Variants in LYPD6 observed in about 807,000 individuals in gnomAD.
LYPD6 encodes the protein ly6/PLAUR domain-containing protein 6.
In LYPD6, 15 loss-of-function variants were observed where a neutral mutation model predicts 22.7. The ratio of observed to expected loss-of-function variants is 0.66; its 90% confidence interval spans 0.44 to 1.02. LYPD6 has a LOEUF of 1.02. LYPD6 is among the 50% of genes least tolerant of loss of function. The probability of loss-of-function intolerance (pLI) is 0.00; values close to 1 mark genes in which losing one functional copy is unlikely to be tolerated. For synonymous variants in LYPD6, 72 were observed against 77.5 expected, an observed-to-expected ratio of 0.93 and a Z score of 0.37; for missense variants, 189 against 208.4, an observed-to-expected ratio of 0.91 and a Z score of 0.57.
chr2:149,434,082 A>G (rs148491948), intron 1 of LYPD6, among the ~76,000 whole-genome samples: 34 of 152,294 alleles, frequency 2.2e-4, no homozygotes, highest in African/African-American at 7.5e-4. Context: ...CCCGTCATCT[A>G]TGTTAGGCAC....
At chr2:149,407,407 T>C (rs1682741915) in intron 1 of LYPD6, among the ~76,000 whole-genome samples, 1 of 152,220 alleles carries the variant, frequency 6.6e-6, no homozygotes, top group South Asian at 2.1e-4. Flanking sequence ...CATAGTCGCA[T>C]ATTTCTTGGA....
intron 3 of LYPD6, among the ~76,000 whole-genome samples, chr2:149,453,853 A>T (rs921204753): frequency 6.6e-6 from 1 of 151,882 alleles, no homozygotes; most frequent in Non-Finnish European, 1.5e-5. Context: ...TAGCCCTCCA[A>T]TTTTTTTTCA....
At chr2:149,359,074 A>T (rs1379605229) in intron 1 of LYPD6, among the ~76,000 whole-genome samples, 3 of 148,768 alleles carry the variant, frequency 2.0e-5, no homozygotes, top group African/African-American at 7.3e-5. Flanking sequence ...ATCAAATTTT[A>T]AAAAAACTCA....
At chr2:149,397,845 A>T (rs1480434232) in intron 1 of LYPD6, among the ~76,000 whole-genome samples, 1 of 152,210 alleles carries the variant, frequency 6.6e-6, no homozygotes, top group East Asian at 1.9e-4. Flanking sequence ...TTTTCAGTAA[A>T]AGCAGAAATA....
chr2:149,413,853 A>G (rs1182726471), intron 1 of LYPD6, among the ~76,000 whole-genome samples: 1 of 152,210 alleles, frequency 6.6e-6, no homozygotes, highest in Non-Finnish European at 1.5e-5. Context: ...AACAATTACC[A>G]AGTCTACTCT....
intron 1 of LYPD6, among the ~76,000 whole-genome samples, chr2:149,377,891 C>A (rs1049881797): frequency 6.7e-6 from 1 of 149,470 alleles, no homozygotes; most frequent in African/African-American, 2.5e-5. Context: ...TGCCCTGGAG[C>A]CTCCTGCAGG....
intron 1 of LYPD6, among the ~76,000 whole-genome samples, chr2:149,359,068 A>G (rs1681521007): frequency 6.6e-6 from 1 of 152,202 alleles, no homozygotes; most frequent in Non-Finnish European, 1.5e-5. Flanking sequence ...TTCAGTATCA[A>G]ATTTTAAAAA....
chr2:149,424,927 G>A (rs1226295253), intron 1 of LYPD6, among the ~76,000 whole-genome samples: 1 of 152,096 alleles, frequency 6.6e-6, no homozygotes, highest in East Asian at 1.9e-4. Flanking sequence ...ACAGAATTGG[G>A]CCCTAGTTGC....
intron 1 of LYPD6, among the ~76,000 whole-genome samples, chr2:149,382,665 A>G (rs1337974934): frequency 1.3e-5 from 2 of 152,140 alleles, no homozygotes; most frequent in Non-Finnish European, 1.5e-5. Context: ...AATCTTACAT[A>G]AGATTTAGTT....
chr2:149,457,959 C>T (rs1257416768), intron 3 of LYPD6, among the ~76,000 whole-genome samples: 1 of 152,176 alleles, frequency 6.6e-6, no homozygotes, highest in South Asian at 2.1e-4. Context: ...ATGCCATAGG[C>T]ACTGGCAAAA....
intron 1 of LYPD6, among the ~76,000 whole-genome samples, chr2:149,360,377 T>C (rs1681548743): frequency 6.6e-6 from 1 of 152,130 alleles, no homozygotes; most frequent in Non-Finnish European, 1.5e-5. Flanking sequence ...CTCAGCCTTA[T>C]TTTTCCCAGC....
At chr2:149,446,426 C>A (rs942601498) in intron 2 of LYPD6, among the ~76,000 whole-genome samples, 3 of 152,150 alleles carry the variant, frequency 2.0e-5, no homozygotes, top group Non-Finnish European at 4.4e-5. Flanking sequence ...AATGGTGATA[C>A]AACAAGGTAC....
chr2:149,406,768 T>C (rs199773119), intron 1 of LYPD6, among the ~76,000 whole-genome samples: 46,027 of 149,420 alleles, frequency 0.31, 8,802 homozygotes, highest in African/African-American at 0.59. Context: ...AATTTGATCC[T>C]GTCATTATGA....
At chr2:149,380,638 G>A (rs1682038946) in intron 1 of LYPD6, among the ~76,000 whole-genome samples, 1 of 152,160 alleles carries the variant, frequency 6.6e-6, no homozygotes, top group Non-Finnish European at 1.5e-5. Context: ...AGTTTTATAA[G>A]GGCATGAGAC....
At chr2:149,361,493 T>C (rs1416189910) in intron 1 of LYPD6, among the ~76,000 whole-genome samples, 1 of 152,218 alleles carries the variant, frequency 6.6e-6, no homozygotes, top group African/African-American at 2.4e-5. Context: ...TATTCTGGTC[T>C]CTTAAATACA....
At chr2:149,390,429 TC>T (rs1402784983) in intron 1 of LYPD6, among the ~76,000 whole-genome samples, 1 of 152,246 alleles carries the variant, frequency 6.6e-6, no homozygotes, top group African/African-American at 2.4e-5. Flanking sequence ...GCCTGGCTTG[TC>T]CTGGATCCCT....
intron 1 of LYPD6, among the ~76,000 whole-genome samples, chr2:149,349,953 A>AT (rs533520366): frequency 0.014 from 2,057 of 152,148 alleles, 25 homozygotes; most frequent in Non-Finnish European, 0.019. Flanking sequence ...CTGAAAAAAA[A>AT]ATATATATGC....
At chr2:149,361,015 A>G (rs1681561879) in intron 1 of LYPD6, among the ~76,000 whole-genome samples, 1 of 152,206 alleles carries the variant, frequency 6.6e-6, no homozygotes, top group East Asian at 1.9e-4. Flanking sequence ...TATAGTTCTT[A>G]GTTGGGGTGG....
chr2:149,480,863 A>C, the LYPD6 span, among the ~76,000 whole-genome samples: 2 of 152,170 alleles, frequency 1.3e-5, no homozygotes, highest in Non-Finnish European at 2.9e-5. Flanking sequence ...CAAAGTAAGA[A>C]TATAAAGGCC....
Sources: gnomAD v4.1 joint callset for allele counts (sites outside exome capture counted in the v4.1 genomes callset) on GRCh38, gnomAD v4.1.1 for gene constraint, MANE v1.5 for transcripts, NCBI Gene and HGNC (gene_info 2026-07-23, HGNC 2026-07-21) for gene names.